The following CCDC141 variants were observed in gnomAD, a reference collection of about 807,000 sequenced individuals.
CCDC141 encodes the protein coiled-coil domain containing 141.
In CCDC141, 168 loss-of-function variants were observed where a neutral mutation model predicts 181.0. That is an observed-to-expected ratio of 0.93 (90% CI 0.82 to 1.05). The LOEUF (loss-of-function observed/expected upper bound fraction) is 1.05, where lower values mean the gene tolerates loss of function less well. CCDC141 is among the 50% of genes least tolerant of loss of function. The pLI, the probability that CCDC141 is intolerant of heterozygous loss-of-function variation, is 0.00. For synonymous variants in CCDC141, 666 were observed against 642.3 expected (o/e 1.04, Z -0.56); for missense variants, 1,902 against 1,788.5 (o/e 1.06, Z -1.14).
chr2:179,048,519 A>T (rs1010140181), intron 1 of CCDC141, among the ~76,000 whole-genome samples: 2 of 152,192 alleles, frequency 1.3e-5, no homozygotes, highest in Non-Finnish European at 2.9e-5. Context: ...ATTATTCCTC[A>T]TCCTGCTCCA....
chr2:179,047,902 T>C (rs572012676), intron 1 of CCDC141, among the ~76,000 whole-genome samples: 1 of 152,326 alleles, frequency 6.6e-6, no homozygotes, highest in Admixed American at 6.5e-5. Flanking sequence ...CTGAAAATAA[T>C]AAATATCAGA....
chr2:179,017,373 G>T (rs1198633221), intron 2 of CCDC141, among the ~76,000 whole-genome samples: 3 of 152,084 alleles, frequency 2.0e-5, no homozygotes, highest in African/African-American at 7.2e-5. Context: ...TTTGAAGAAA[G>T]ATGCTTTATA....
intron 15 of CCDC141, 118 bp downstream of exon 15, chr2:178,868,999 T>C: frequency 1.6e-6 from 1 of 625,024 alleles, no homozygotes; most frequent in Non-Finnish European, 2.5e-6. Flanking sequence ...AGGGGCCAGA[T>C]TGTGTAAACT....
chr2:179,047,497 C>G, intron 1 of CCDC141, 91 bp from the exon 2 acceptor site: 1 of 1,137,462 alleles, frequency 8.8e-7, no homozygotes, highest in Non-Finnish European at 1.2e-6. Flanking sequence ...TTTAAATTTC[C>G]AGTTATACTG....
intron 6 of CCDC141, among the ~76,000 whole-genome samples, chr2:178,935,314 CTTCT>C (rs1217489580): frequency 6.6e-6 from 1 of 151,776 alleles, no homozygotes; most frequent in African/African-American, 2.4e-5. Context: ...CGATTGTTTT[CTTCT>C]TTGTGTTCAT....
intron 12 of CCDC141, chr2:178,875,935 T>C (rs1272729969): frequency 6.6e-6 from 1 of 152,146 alleles, no homozygotes; most frequent in African/African-American, 2.4e-5. Context: ...ATAATACATG[T>C]TCTAAATGTT....
At position 178,834,400 on chromosome 2, in the gene CCDC141, G is replaced by A. The variant is rs1190888257; in HGVS notation, c.4366C>T (p.Gln1456Ter). The change falls in exon 24 of 24, where the codon CAG becomes TAG. Residue 1456 changes from glutamine to a stop codon, truncating the protein, a stop_gained. Coordinates refer to ENST00000443758, the MANE Select transcript of CCDC141 (RefSeq NM_173648.4). LOFTEE classifies it high-confidence loss of function. The part of the protein sequence containing the change: ...GQKLSADGHL[Q>*]VLHKETRHSV... ...TGCCTTGTCTCCTTGTGTAAAACCT[G>A]TAAGTGCCCATCTGCAGACAATTTC... is the stretch of plus-strand genomic sequence containing the variant. 1 of 1,536,406 alleles carries A rather than the reference G, an allele frequency of 6.5e-7. No individual in the cohort carries two copies. Among genetic ancestry groups the A allele is most frequent in the Non-Finnish European group, 8.7e-7 (1 of 1,146,900 alleles).
chr2:178,962,172 A>C (rs1690434819), intron 4 of CCDC141, among the ~76,000 whole-genome samples: 1 of 152,222 alleles, frequency 6.6e-6, no homozygotes, highest in South Asian at 2.1e-4. Context: ...CTCTGGAGTA[A>C]ATAGCATTGT....
intron 2 of CCDC141, among the ~76,000 whole-genome samples, chr2:179,007,768 T>A (rs1424197568): frequency 6.6e-6 from 1 of 152,244 alleles, no homozygotes; most frequent in African/African-American, 2.4e-5. Context: ...TTAAAACATT[T>A]CTTTCAAAAT....
chr2:178,884,834 C>A (rs1423554037), intron 11 of CCDC141, 67 bp downstream of exon 11: 2 of 1,312,282 alleles, frequency 1.5e-6, no homozygotes, highest in African/African-American at 2.9e-5. Context: ...GAGCATATAT[C>A]CCCACAGAAA....
chr2:178,968,831 C>T (rs552280030), intron 4 of CCDC141, among the ~76,000 whole-genome samples: 7 of 151,242 alleles, frequency 4.6e-5, no homozygotes, highest in African/African-American at 7.3e-5. Flanking sequence ...CAAAACAGAC[C>T]GCTAGCCAGA....
At chr2:179,029,013 C>A (rs1156926377) in intron 2 of CCDC141, among the ~76,000 whole-genome samples, 1 of 152,196 alleles carries the variant, frequency 6.6e-6, no homozygotes, top group Non-Finnish European at 1.5e-5. Context: ...AGCCCCTATT[C>A]TCCATAACAA....
intron 2 of CCDC141, among the ~76,000 whole-genome samples, chr2:179,023,540 G>T (rs995008257): frequency 1.3e-5 from 2 of 152,076 alleles, no homozygotes; most frequent in African/African-American, 2.4e-5. Flanking sequence ...TTTTAAAAGT[G>T]GTTCTCACTA....
intron 2 of CCDC141, among the ~76,000 whole-genome samples, chr2:179,006,207 A>T (rs568481560): frequency 6.6e-6 from 1 of 152,270 alleles, no homozygotes; most frequent in South Asian, 2.1e-4. Context: ...TTTGCATTTC[A>T]TTGGCAGATA....
At position 179,050,098 on chromosome 2, in the gene CCDC141, T is replaced by C. The variant is rs1443677894; in HGVS notation, c.-157A>G. 5 of 1,134,742 alleles carry C rather than the reference T, an allele frequency of 4.4e-6. No homozygotes were observed. Among genetic ancestry groups the C allele is most frequent in the African/African-American group, 3.1e-5 (2 of 63,722 alleles). The allele number at this position is 1,134,742 out of a possible 1,614,324, so 70.3% of individuals were successfully genotyped here. A position where few individuals can be genotyped will look rare whatever the true frequency, so the allele number is the denominator to read the frequency against. ...AAAGGAAAGAACAGGAGGTTAAAAA[T>C]AGACAACCCCATTGAGTTTATCGTG... is the stretch of plus-strand genomic sequence containing the variant. On this transcript the variant is annotated 5_prime_UTR_variant, in exon 1 of 24. Coordinates refer to ENST00000443758, the MANE Select transcript of CCDC141 (RefSeq NM_173648.4).
intron 2 of CCDC141, among the ~76,000 whole-genome samples, chr2:179,038,150 C>G (rs2655148): frequency 0.49 from 74,157 of 152,082 alleles, 21,157 homozygotes; most frequent in Non-Finnish European, 0.64. Flanking sequence ...CAAAATGTAG[C>G]ATGTCATTAC....
intron 2 of CCDC141, among the ~76,000 whole-genome samples, chr2:178,999,636 T>C (rs1276462580): frequency 6.6e-6 from 1 of 152,188 alleles, no homozygotes; most frequent in East Asian, 1.9e-4. Flanking sequence ...GTCTTATCCC[T>C]GTTGGCTGAC....
Position 179,033,995 on chromosome 2 carries a change from G to A in CCDC141, c.225+13289C>T, listed in dbSNP as rs1411252703. ...ACTAATTTAAAACTTTATTTCTCCT[G>A]TTATTATATATTGTTTTGTTTCTAG... On this transcript the variant is annotated intron_variant, in intron 2 of 23. Transcript: ENST00000443758. Among the ~76,000 whole-genome samples, 6 of 152,086 alleles carry A rather than the reference G, an allele frequency of 3.9e-5. No individual in the cohort carries two copies. The East Asian group carries it at 9.6e-4, about 24-fold the overall frequency.
chr2:178,908,106 CT>C (rs1329266234), intron 7 of CCDC141, among the ~76,000 whole-genome samples: 3 of 152,212 alleles, frequency 2.0e-5, no homozygotes, highest in Non-Finnish European at 2.9e-5. Flanking sequence ...CCAATAACCA[CT>C]GTTTCTGAAC....
Sources: gnomAD v4.1 joint callset for allele counts (sites outside exome capture counted in the v4.1 genomes callset) on GRCh38, gnomAD v4.1.1 for gene constraint, MANE v1.5 for transcripts, NCBI Gene and HGNC (gene_info 2026-07-23, HGNC 2026-07-21) for gene names.